Variants in SKAP1 observed in about 807,000 individuals in gnomAD.
SKAP1 encodes src kinase associated phosphoprotein 1, also known as src kinase-associated phosphoprotein 1.
In SKAP1, 44 loss-of-function variants were observed where a neutral mutation model predicts 58.5. The observed-to-expected ratio is 0.75, with a 90% CI of 0.59 to 0.97. SKAP1 has a LOEUF of 0.97. SKAP1 is among the 50% of genes least tolerant of loss of function. The probability of loss-of-function intolerance (pLI) is 0.00; values close to 1 mark genes in which losing one functional copy is unlikely to be tolerated. For missense variants in SKAP1, 390 were observed against 435.2 expected (o/e 0.90, Z 0.92); for synonymous variants, 127 against 149.7 (o/e 0.85, Z 1.11).
intron 4 of SKAP1, among the ~76,000 whole-genome samples, chr17:48,337,242 A>G (rs950684013): frequency 1.3e-5 from 2 of 152,188 alleles, no homozygotes; most frequent in African/African-American, 4.8e-5. Context: ...GAAGTATAAT[A>G]TAGTTTATGA....
intron 1 of SKAP1, among the ~76,000 whole-genome samples, chr17:48,400,929 GC>G (rs1567899908): frequency 6.6e-6 from 1 of 152,012 alleles, no homozygotes; most frequent in East Asian, 1.9e-4. Flanking sequence ...ATCCCAGCTG[GC>G]TTTTTTTGTA....
chr17:48,216,059 A>C (rs1313910022), intron 4 of SKAP1, among the ~76,000 whole-genome samples: 1 of 152,194 alleles, frequency 6.6e-6, no homozygotes, highest in Non-Finnish European at 1.5e-5. Context: ...TAAGGGTTCA[A>C]CATGCCCACC....
At chr17:48,243,670 C>G (rs142432861) in intron 4 of SKAP1, among the ~76,000 whole-genome samples, 2 of 151,924 alleles carry the variant, frequency 1.3e-5, no homozygotes, top group Non-Finnish European at 2.9e-5. Flanking sequence ...CAAATAAAAC[C>G]GAGGAATAAG....
In SKAP1 at chr17:48,272,470, C is replaced by T. The variant is rs188514647; in HGVS notation, c.280+73435G>A. Among the ~76,000 whole-genome samples the T allele has an allele frequency of 6.1e-4, 93 of 152,118 alleles. 2 individuals are homozygous for T. Among genetic ancestry groups the T allele is most frequent in the Admixed American group, 3.4e-3 (52 of 15,282 alleles). On this transcript the variant is annotated intron_variant, in intron 4 of 12. Transcript: ENST00000336915. ...GGGAACTAAGACTTAGGAATTGTTG[C>T]GATTGCCATTATAAGTCTTCTTTCT...
chr17:48,212,201 C>T (rs910856636), intron 4 of SKAP1, among the ~76,000 whole-genome samples: 6 of 151,788 alleles, frequency 4.0e-5, no homozygotes, highest in Non-Finnish European at 7.4e-5. Context: ...TTGGGTAATT[C>T]GTGGCGATTA....
chr17:48,215,758 A>G (rs1190877591), intron 4 of SKAP1, among the ~76,000 whole-genome samples: 1 of 152,190 alleles, frequency 6.6e-6, no homozygotes, highest in Non-Finnish European at 1.5e-5. Context: ...GCTGCAGTTC[A>G]GATAATTCTC....
intron 4 of SKAP1, among the ~76,000 whole-genome samples, chr17:48,316,695 T>C (rs1442763745): frequency 6.6e-6 from 1 of 152,174 alleles, no homozygotes; most frequent in East Asian, 1.9e-4. Context: ...AATGAATAGA[T>C]GAAGAATAGT....
At chr17:48,414,387 G>A (rs896248013) in intron 1 of SKAP1, among the ~76,000 whole-genome samples, 3 of 152,168 alleles carry the variant, frequency 2.0e-5, no homozygotes, top group Non-Finnish European at 4.4e-5. Context: ...AGGTCCAGAG[G>A]TGAGAGATCA....
chr17:48,306,913 T>A (rs980366059), intron 4 of SKAP1, among the ~76,000 whole-genome samples: 2 of 152,222 alleles, frequency 1.3e-5, no homozygotes, highest in Non-Finnish European at 2.9e-5. Flanking sequence ...CATCATTCCA[T>A]GACACTGGAA....
At chr17:48,210,811 A>G (rs1396408613) in intron 4 of SKAP1, among the ~76,000 whole-genome samples, 1 of 152,192 alleles carries the variant, frequency 6.6e-6, no homozygotes, top group Non-Finnish European at 1.5e-5. Flanking sequence ...TAGTCATTTC[A>G]TCACTGTGGT....
At chr17:48,438,125 A>T in the SKAP1 span, among the ~76,000 whole-genome samples, 1 of 152,196 alleles carries the variant, frequency 6.6e-6, no homozygotes, top group Non-Finnish European at 1.5e-5. Context: ...CTAAAGTCAG[A>T]CAACCCTGTG....
Position 48,338,619 on chromosome 17 carries a change from A to AG in SKAP1, c.280+7285dup, listed in dbSNP as rs533367411. ...GTTTTAGTGAAAGAAGCATTATGGA[A>AG]GATGTCCAGCTATCAACACATGTGA... On this transcript the variant is annotated intron_variant, in intron 4 of 12. Transcript: ENST00000336915. Among the ~76,000 whole-genome samples the AG allele has an allele frequency of 1.3e-4, 20 of 152,310 alleles. No homozygotes were observed. The East Asian group carries it at 3.5e-3, about 26-fold the overall frequency.
chr17:48,164,862 A>C (rs1330144474), intron 10 of SKAP1, among the ~76,000 whole-genome samples: 2 of 152,330 alleles, frequency 1.3e-5, no homozygotes, highest in South Asian at 2.1e-4. Flanking sequence ...GGGCAAGGTG[A>C]CTCCATATTG....
chr17:48,166,060 G>C (rs376986482), intron 10 of SKAP1, among the ~76,000 whole-genome samples: 2 of 152,120 alleles, frequency 1.3e-5, no homozygotes, highest in Non-Finnish European at 2.9e-5. Context: ...AGAGGACCTA[G>C]AGCAATAATG....
intron 4 of SKAP1, among the ~76,000 whole-genome samples, chr17:48,247,188 G>A (rs916172621): frequency 2.6e-5 from 4 of 152,172 alleles, no homozygotes; most frequent in Non-Finnish European, 5.9e-5. Context: ...TTCCAAGTAT[G>A]CACACAATTT....
At chr17:48,281,006 T>G (rs973341887) in intron 4 of SKAP1, among the ~76,000 whole-genome samples, 1 of 151,986 alleles carries the variant, frequency 6.6e-6, no homozygotes, top group East Asian at 1.9e-4. Flanking sequence ...AGAGCTCAGG[T>G]TTTTTTACTT....
At chr17:48,148,436 T>C (rs1032887264) in intron 11 of SKAP1, among the ~76,000 whole-genome samples, 2 of 152,216 alleles carry the variant, frequency 1.3e-5, no homozygotes, top group African/African-American at 4.8e-5. Flanking sequence ...TCGGAGCTGA[T>C]AGAATTGTGA....
intron 1 of SKAP1, among the ~76,000 whole-genome samples, chr17:48,421,359 G>A (rs1186531638): frequency 6.7e-6 from 1 of 148,552 alleles, no homozygotes; most frequent in Non-Finnish European, 1.5e-5. Flanking sequence ...GGAGTGCAAC[G>A]GCACGAGGCG....
At chr17:48,345,828 T>C (rs2066714908) in intron 4 of SKAP1, 77 bp downstream of exon 4, 5 of 1,013,458 alleles carry the variant, frequency 4.9e-6, no homozygotes, top group Non-Finnish European at 7.6e-6. Flanking sequence ...GATACAAAAA[T>C]GACAAAAGGC....
Sources: allele counts gnomAD v4.1 joint callset (sites outside exome capture counted in the v4.1 genomes callset), GRCh38; gene constraint gnomAD v4.1.1; transcripts MANE v1.5; gene names NCBI Gene and HGNC (gene_info 2026-07-23, HGNC 2026-07-21).